Variants in NAALADL2 observed in about 807,000 individuals in gnomAD.
NAALADL2 encodes the protein inactive N-acetylated-alpha-linked acidic dipeptidase-like protein 2.
NAALADL2 carries 76 observed loss-of-function variants against 87.2 expected under a neutral mutation model. That is an observed-to-expected ratio of 0.87 (90% CI 0.72 to 1.05). The LOEUF (loss-of-function observed/expected upper bound fraction) is 1.05. Among genes scored for constraint, NAALADL2 ranks in the 50% least tolerant of loss-of-function variants. The pLI is 0.00. For missense variants in NAALADL2, 1,089 were observed against 945.8 expected (o/e 1.15, Z -1.99); for synonymous variants, 354 against 331.0 (o/e 1.07, Z -0.75).
intron 4 of NAALADL2, among the ~76,000 whole-genome samples, chr3:175,296,455 G>A (rs1756386747): frequency 6.6e-6 from 1 of 152,170 alleles, no homozygotes; most frequent in South Asian, 2.1e-4. Flanking sequence ...GCATGCATAT[G>A]TTTAAACAGG....
intron 1 of NAALADL2, among the ~76,000 whole-genome samples, chr3:174,450,701 C>G (rs568418641): frequency 6.6e-6 from 1 of 151,844 alleles, no homozygotes; most frequent in Non-Finnish European, 1.5e-5. Flanking sequence ...GAAACCCCGT[C>G]TCCACTAAAA....
At chr3:175,026,293 G>C (rs1752215305) in intron 1 of NAALADL2, among the ~76,000 whole-genome samples, 1 of 151,898 alleles carries the variant, frequency 6.6e-6, no homozygotes, top group Non-Finnish European at 1.5e-5. Context: ...CTAGTAAAAT[G>C]TTTGAAGATG....
upstream of NAALADL2, chr3:174,859,167 C>A: frequency 2.3e-6 from 1 of 426,132 alleles, no homozygotes. Context: ...TGAAACAAAG[C>A]AATGTTTTGT....
At chr3:175,173,616 A>G (rs1735214000) in intron 2 of NAALADL2, among the ~76,000 whole-genome samples, 1 of 152,240 alleles carries the variant, frequency 6.6e-6, no homozygotes, top group Non-Finnish European at 1.5e-5. Flanking sequence ...ATGTTTTCCA[A>G]CTTACTGGGC....
intron 11 of NAALADL2, chr3:175,718,325 A>C: frequency 1.3e-6 from 2 of 1,597,996 alleles, no homozygotes; most frequent in Non-Finnish European, 1.7e-6. Context: ...CTTTGATGCT[A>C]TATGAATTCT....
chr3:175,134,506 C>T (rs1475888705), intron 2 of NAALADL2, among the ~76,000 whole-genome samples: 1 of 152,064 alleles, frequency 6.6e-6, no homozygotes, highest in Admixed American at 6.5e-5. Context: ...TCCTATGTGC[C>T]TGGTATTTTG....
At chr3:174,731,852 A>T (rs980663486) in intron 2 of NAALADL2, among the ~76,000 whole-genome samples, 9 of 152,270 alleles carry the variant, frequency 5.9e-5, no homozygotes, top group African/African-American at 2.2e-4. Flanking sequence ...TCTGGGACCC[A>T]CACTGGAAAA....
intron 2 of NAALADL2, among the ~76,000 whole-genome samples, chr3:175,202,919 C>G (rs1740265283): frequency 6.6e-6 from 1 of 151,990 alleles, no homozygotes; most frequent in South Asian, 2.1e-4. Context: ...CAGTTAAGGC[C>G]TCACCCAGCT....
chr3:174,751,647 A>C (rs1406441075), intron 3 of NAALADL2, among the ~76,000 whole-genome samples: 1 of 139,760 alleles, frequency 7.2e-6, no homozygotes, highest in Non-Finnish European at 1.5e-5. Flanking sequence ...TTGCTGACAG[A>C]GCGAGACTTT....
chr3:174,451,842 A>AGTTTTTTT (rs1715501448), intron 1 of NAALADL2, among the ~76,000 whole-genome samples: 1 of 95,840 alleles, frequency 1.0e-5, no homozygotes, highest in Admixed American at 1.2e-4. Flanking sequence ...GGATAGTGGG[A>AGTTTTTTT]GTTTTTTTTT....
chr3:175,135,642 A>G (rs1404053697), intron 2 of NAALADL2, among the ~76,000 whole-genome samples: 1 of 152,178 alleles, frequency 6.6e-6, no homozygotes, highest in Non-Finnish European at 1.5e-5. Context: ...GGCCCATAGA[A>G]ATAAAGTGCA....
chr3:174,770,142 G>A (rs1247923436), intron 3 of NAALADL2, among the ~76,000 whole-genome samples: 1 of 152,120 alleles, frequency 6.6e-6, no homozygotes, highest in African/African-American at 2.4e-5. Context: ...ACACATGCAT[G>A]TACATGAAGA....
chr3:174,780,291 A>G (rs950402162), intron 3 of NAALADL2, among the ~76,000 whole-genome samples: 1 of 152,038 alleles, frequency 6.6e-6, no homozygotes, highest in Non-Finnish European at 1.5e-5. Context: ...TTTGTCTGTT[A>G]TTGGTGTATA....
At chr3:175,081,843 G>A (rs1280446435) in intron 1 of NAALADL2, among the ~76,000 whole-genome samples, 2 of 151,966 alleles carry the variant, frequency 1.3e-5, no homozygotes. Context: ...TACATTTTTG[G>A]TTTATATTTT....
chr3:175,406,903 G>A (rs543820884), intron 5 of NAALADL2, among the ~76,000 whole-genome samples: 19 of 151,894 alleles, frequency 1.3e-4, no homozygotes, highest in Admixed American at 1.2e-3. Flanking sequence ...AGTGTCGGCC[G>A]GGCGCTGTGG....
intron 1 of NAALADL2, among the ~76,000 whole-genome samples, chr3:174,868,593 A>G (rs1727435513): frequency 6.6e-6 from 1 of 152,070 alleles, no homozygotes; most frequent in Admixed American, 6.6e-5. Flanking sequence ...AGAATTTGGG[A>G]GACACTTGAG....
chr3:174,507,436 C>T (rs950227498), intron 1 of NAALADL2, among the ~76,000 whole-genome samples: 2 of 152,060 alleles, frequency 1.3e-5, no homozygotes, highest in African/African-American at 2.4e-5. Flanking sequence ...CATTTCAATA[C>T]AGTTTCTTCT....
At chr3:175,133,433 T>C (rs1728543283) in intron 2 of NAALADL2, among the ~76,000 whole-genome samples, 2 of 152,150 alleles carry the variant, frequency 1.3e-5, no homozygotes, top group African/African-American at 4.8e-5. Context: ...CTGGGCACCA[T>C]TGAGCACTGA....
intron 4 of NAALADL2, among the ~76,000 whole-genome samples, chr3:175,309,605 CTG>C (rs1758118848): frequency 6.6e-6 from 1 of 151,298 alleles, no homozygotes; most frequent in Non-Finnish European, 1.5e-5. Flanking sequence ...TTCAGGATAA[CTG>C]TTTTTTTTTT....
Sources: allele counts gnomAD v4.1 joint callset (sites outside exome capture counted in the v4.1 genomes callset), GRCh38; gene constraint gnomAD v4.1.1; transcripts MANE v1.5; gene names NCBI Gene and HGNC (gene_info 2026-07-23, HGNC 2026-07-21).